PRKN: variants seen among roughly 807,000 people sequenced by gnomAD.
The protein encoded by PRKN is parkin RBR E3 ubiquitin protein ligase.
A neutral mutation model predicts 59.5 loss-of-function variants in PRKN; 56 were observed. The observed-to-expected ratio is 0.94, with a 90% CI of 0.76 to 1.18. The LOEUF (loss-of-function observed/expected upper bound fraction) is 1.18, where lower values mean the gene tolerates loss of function less well. Ranked by LOEUF, PRKN falls within the 50% of genes most tolerant of loss-of-function variation. The probability of loss-of-function intolerance (pLI) is 0.00; values close to 1 mark genes in which losing one functional copy is unlikely to be tolerated. For synonymous variants in PRKN, 250 were observed against 222.1 expected, an observed-to-expected ratio of 1.13 and a Z score of -1.12; for missense variants, 657 against 596.4, an observed-to-expected ratio of 1.10 and a Z score of -1.06.
intron 2 of PRKN, among the ~76,000 whole-genome samples, chr6:162,409,500 C>CTTTTGCATGATTAT: frequency 6.6e-6 from 1 of 152,256 alleles, no homozygotes; most frequent in East Asian, 1.9e-4. Context: ...ACCCCATGCA[C>CTTTTGCATGATTAT]TTTTGCATGA....
chr6:161,951,028 T>C (rs1171583402), intron 6 of PRKN, among the ~76,000 whole-genome samples: 2 of 106,180 alleles, frequency 1.9e-5, no homozygotes, highest in Non-Finnish European at 3.8e-5. Context: ...TTTTTTTACA[T>C]GTCAAAGAGG....
At chr6:161,610,290 C>T (rs1241808524) in intron 7 of PRKN, among the ~76,000 whole-genome samples, 2 of 151,988 alleles carry the variant, frequency 1.3e-5, no homozygotes, top group Admixed American at 6.6e-5. Flanking sequence ...GGGATGTCCG[C>T]GAGCTGCTTC....
At chr6:162,445,965 C>A (rs1015548778) in intron 1 of PRKN, among the ~76,000 whole-genome samples, 3 of 151,900 alleles carry the variant, frequency 2.0e-5, no homozygotes, top group Non-Finnish European at 2.9e-5. Context: ...ACATCTCTGA[C>A]CAGCACGGAA....
chr6:162,452,667 G>T (rs1283709550), intron 1 of PRKN, among the ~76,000 whole-genome samples: 1 of 152,006 alleles, frequency 6.6e-6, no homozygotes, highest in African/African-American at 2.4e-5. Flanking sequence ...AAAAAGGGCA[G>T]GAGATAATGA....
At chr6:161,890,847 C>T (rs147865025) in intron 6 of PRKN, among the ~76,000 whole-genome samples, 60 of 152,228 alleles carry the variant, frequency 3.9e-4, no homozygotes, top group Middle Eastern at 6.8e-3. Flanking sequence ...TTCCATTTCC[C>T]GCGCTCTGCC....
intron 4 of PRKN, among the ~76,000 whole-genome samples, chr6:162,073,083 G>A (rs140967867): frequency 0.011 from 1,728 of 152,258 alleles, 31 homozygotes; most frequent in African/African-American, 0.04. Context: ...GGTCAAATAA[G>A]ATAACAAATG....
rs1789492098 is a variant in PRKN at position 161,446,350 on chromosome 6, G to A, written c.1084-59473C>T. The stretch of plus-strand genomic sequence containing the variant: ...TTTGGGGAGGTTTCGAGGTCCAAGT[G>A]TGACTTAGAGGAACTGGGAGATGCC... On this transcript the variant is annotated intron_variant, in intron 9 of 11. Transcript: ENST00000366898. The surrounding 1 kb of genome is among the most constrained non-coding windows in gnomAD (Gnocchi z 6.2). Among the ~76,000 whole-genome samples, 1 of 152,128 alleles carries A rather than the reference G, an allele frequency of 6.6e-6. No individual in the cohort carries two copies. Among genetic ancestry groups the A allele is most frequent in the Non-Finnish European group, 1.5e-5 (1 of 68,022 alleles).
intron 1 of PRKN, among the ~76,000 whole-genome samples, chr6:162,509,064 CAAAT>C (rs564722483): frequency 6.6e-6 from 1 of 152,100 alleles, no homozygotes; most frequent in Non-Finnish European, 1.5e-5. Flanking sequence ...CATTAAACTT[CAAAT>C]AAATACTCAT....
chr6:162,298,389 C>G (rs7744424), intron 2 of PRKN, among the ~76,000 whole-genome samples: 1 of 151,828 alleles, frequency 6.6e-6, no homozygotes, highest in Admixed American at 6.6e-5. Flanking sequence ...AGCTTCGCAC[C>G]ATGAATAGTT....
chr6:162,024,832 C>G (rs1422954547), intron 5 of PRKN, among the ~76,000 whole-genome samples: 1 of 152,116 alleles, frequency 6.6e-6, no homozygotes, highest in Non-Finnish European at 1.5e-5. Context: ...AGAAAGCAGT[C>G]TTATAAATTA....
rs529898890 is a variant in PRKN at position 161,466,717 on chromosome 6, C to G, written c.1084-79840G>C. 6.6e-6 allele frequency among the ~76,000 whole-genome samples: 1 copy of G among 152,260 alleles called. No homozygotes were observed. Among genetic ancestry groups the G allele is most frequent in the African/African-American group, 2.4e-5 (1 of 41,556 alleles). ...GGGCAAACATCCACACACAGACACA[C>G]AGACATACAAACAACCCAAGGACAG... On this transcript the variant is annotated intron_variant, in intron 9 of 11. Coordinates refer to ENST00000366898, the MANE Select transcript of PRKN (RefSeq NM_004562.3). This position sits in a 1 kb window ranked among gnomAD's most constrained non-coding sequence, Gnocchi z 5.0.
chr6:161,929,122 G>T (rs1779074392), intron 6 of PRKN, among the ~76,000 whole-genome samples: 1 of 151,974 alleles, frequency 6.6e-6, no homozygotes, highest in Non-Finnish European at 1.5e-5. Context: ...TATATAAATG[G>T]AATATTATTT....
chr6:162,031,423 T>G (rs750519213), intron 5 of PRKN, among the ~76,000 whole-genome samples: 2 of 151,972 alleles, frequency 1.3e-5, no homozygotes, highest in Non-Finnish European at 2.9e-5. Flanking sequence ...TTTTTATCTC[T>G]CATAGGCAAG....
At chr6:162,643,071 T>C (rs1372216907) in intron 1 of PRKN, among the ~76,000 whole-genome samples, 3 of 151,896 alleles carry the variant, frequency 2.0e-5, no homozygotes, top group African/African-American at 4.8e-5. Flanking sequence ...GAAATAAAAG[T>C]TGACATAGAC....
intron 9 of PRKN, among the ~76,000 whole-genome samples, chr6:161,392,553 A>G (rs1226864735): frequency 6.6e-6 from 1 of 151,822 alleles, no homozygotes; most frequent in Admixed American, 6.6e-5. Flanking sequence ...ATACATATAT[A>G]AATTCCAGGT....
At chr6:162,647,976 A>AAAAAAAG (rs1423333479) in intron 1 of PRKN, among the ~76,000 whole-genome samples, 5 of 146,196 alleles carry the variant, frequency 3.4e-5, no homozygotes, top group Non-Finnish European at 7.5e-5. Context: ...AAAAAAAAAA[A>AAAAAAAG]AGTCTACGGG....
chr6:162,642,192 T>G (rs1230122852), intron 1 of PRKN, among the ~76,000 whole-genome samples: 3 of 152,172 alleles, frequency 2.0e-5, no homozygotes, highest in African/African-American at 7.2e-5. Context: ...ATAGACAGCA[T>G]TTTAGCAGAC....
chr6:162,400,920 GTGT>G (rs1221139980), intron 2 of PRKN, among the ~76,000 whole-genome samples: 10 of 151,926 alleles, frequency 6.6e-5, no homozygotes, highest in Non-Finnish European at 8.8e-5. Context: ...CAAAAATAAC[GTGT>G]TATTAATTTA....
intron 1 of PRKN, among the ~76,000 whole-genome samples, chr6:162,604,410 G>A (rs1041290218): frequency 6.6e-6 from 1 of 152,142 alleles, no homozygotes; most frequent in Non-Finnish European, 1.5e-5. Context: ...TTGCCTTCCA[G>A]GGCTAAGACA....
Sources: gnomAD v4.1 joint callset for allele counts (sites outside exome capture counted in the v4.1 genomes callset) on GRCh38, gnomAD v4.1.1 for gene constraint, Gnocchi (gnomAD v3.1) non-coding constraint, MANE v1.5 for transcripts, NCBI Gene and HGNC (gene_info 2026-07-23, HGNC 2026-07-21) for gene names.